Variants in PDE1C observed in about 807,000 individuals in gnomAD.
The protein encoded by PDE1C is dual specificity calcium/calmodulin-dependent 3',5'-cyclic nucleotide phosphodiesterase 1C.
A neutral mutation model predicts 93.1 loss-of-function variants in PDE1C; 62 were observed. That is an observed-to-expected ratio of 0.67 (90% CI 0.54 to 0.82). The LOEUF is 0.82. Among genes scored for constraint, PDE1C ranks in the 40% least tolerant of loss-of-function variants. The probability of loss-of-function intolerance (pLI) is 0.00; values close to 1 mark genes in which losing one functional copy is unlikely to be tolerated. For missense variants in PDE1C, 742 were observed against 884.6 expected, an observed-to-expected ratio of 0.84 and a Z score of 2.04; for synonymous variants, 325 against 310.1, an observed-to-expected ratio of 1.05 and a Z score of -0.50.
At chr7:32,252,282 C>T (rs553887867) in intron 1 of PDE1C, among the ~76,000 whole-genome samples, 1 of 152,266 alleles carries the variant, frequency 6.6e-6, no homozygotes, top group Admixed American at 6.5e-5. Context: ...GCACAAGATC[C>T]CGGGACTATA....
intron 2 of PDE1C, among the ~76,000 whole-genome samples, chr7:32,183,195 G>T (rs948198158): frequency 6.6e-6 from 1 of 152,108 alleles, no homozygotes; most frequent in African/African-American, 2.4e-5. Flanking sequence ...TGGATAGGAA[G>T]AATCAATATC....
intron 11 of PDE1C, 91 bp downstream of exon 11, chr7:31,837,089 C>G (rs1023287660): frequency 1.5e-6 from 2 of 1,303,560 alleles, no homozygotes; most frequent in African/African-American, 3.0e-5. Context: ...TTACTGTAAT[C>G]TCAATAGTCC....
chr7:32,147,300 G>GAAAGAAAGAAAGAAAGAAAGAAA lies in PDE1C; in HGVS notation c.308+22462_308+22484dup, dbSNP rs1563352791. 4.8e-3 allele frequency among the ~76,000 whole-genome samples: 656 copies of GAAAGAAAGAAAGAAAGAAAGAAA among 137,772 alleles called. 7 individuals carry two copies. Among genetic ancestry groups the GAAAGAAAGAAAGAAAGAAAGAAA allele is most frequent in the African/African-American group, 0.01 (359 of 35,354 alleles). The allele number at this position is 137,772 out of a possible 152,430, so 90.4% of individuals were successfully genotyped here. A position where few individuals can be genotyped will look rare whatever the true frequency, so the allele number is the denominator to read the frequency against. On this transcript the variant is annotated intron_variant, in intron 3 of 18. Transcript: ENST00000396193. ...AGAAAGAAAGAAAGAAAGAAAGAAA[G>GAAAGAAAGAAAGAAAGAAAGAAA]AAAGAAAGAAAGAAAGAAAGAAAGA...
At chr7:31,697,569 A>C in the PDE1C span, among the ~76,000 whole-genome samples, 2 of 152,232 alleles carry the variant, frequency 1.3e-5, no homozygotes, top group Non-Finnish European at 2.9e-5. Flanking sequence ...TCAAACAAAA[A>C]AAATCATACT....
At chr7:32,361,371 G>A (rs1243879383) in intron 1 of PDE1C, among the ~76,000 whole-genome samples, 1 of 152,244 alleles carries the variant, frequency 6.6e-6, no homozygotes, top group Non-Finnish European at 1.5e-5. Context: ...AAAGCAGCAG[G>A]ATTATATGTC....
intron 2 of PDE1C, among the ~76,000 whole-genome samples, chr7:32,197,375 G>T (rs1804696472): frequency 6.6e-6 from 1 of 152,090 alleles, no homozygotes; most frequent in Admixed American, 6.6e-5. Context: ...AACCACTTTG[G>T]ATAACAGTCT....
chr7:32,295,044 A>G (rs1455568730), intron 1 of PDE1C, among the ~76,000 whole-genome samples: 1 of 152,182 alleles, frequency 6.6e-6, no homozygotes, highest in East Asian at 1.9e-4. Context: ...GAGGATGCAA[A>G]ATAATTTGCC....
chr7:32,305,028 C>G (rs1812964788), intron 1 of PDE1C, among the ~76,000 whole-genome samples: 1 of 152,088 alleles, frequency 6.6e-6, no homozygotes, highest in South Asian at 2.1e-4. Flanking sequence ...AAAGTATCAC[C>G]CTGTGAGCAA....
At chr7:31,782,276 T>G (rs1783480619) in intron 16 of PDE1C, among the ~76,000 whole-genome samples, 1 of 151,658 alleles carries the variant, frequency 6.6e-6, no homozygotes, top group African/African-American at 2.4e-5. Flanking sequence ...TAATTCAAAA[T>G]TAACTATACT....
At chr7:31,664,014 A>G in the PDE1C span, among the ~76,000 whole-genome samples, 1 of 152,170 alleles carries the variant, frequency 6.6e-6, no homozygotes, top group Admixed American at 6.5e-5. Context: ...GATCATCCCC[A>G]TTTTAAAGAT....
At chr7:32,236,502 G>A (rs1808091288) in intron 1 of PDE1C, among the ~76,000 whole-genome samples, 1 of 151,930 alleles carries the variant, frequency 6.6e-6, no homozygotes, top group Non-Finnish European at 1.5e-5. Context: ...AAAAGATTTA[G>A]ACATTTTACA....
chr7:32,266,406 C>T (rs533472504), intron 1 of PDE1C, among the ~76,000 whole-genome samples: 1 of 151,928 alleles, frequency 6.6e-6, no homozygotes, highest in Non-Finnish European at 1.5e-5. Flanking sequence ...GAGGCTGAGG[C>T]AGGAGAATCG....
chr7:32,309,936 T>A (rs1388477637), intron 1 of PDE1C, among the ~76,000 whole-genome samples: 2 of 152,198 alleles, frequency 1.3e-5, no homozygotes, highest in Non-Finnish European at 2.9e-5. Flanking sequence ...AATGCTCCAA[T>A]TTAAAAGATA....
intron 2 of PDE1C, among the ~76,000 whole-genome samples, chr7:31,881,327 C>T (rs1797223956): frequency 6.6e-6 from 1 of 151,916 alleles, no homozygotes; most frequent in Non-Finnish European, 1.5e-5. Flanking sequence ...CACTGAGAAC[C>T]ACAAGAGGGC....
chr7:32,237,275 G>A (rs1302751250), intron 1 of PDE1C, among the ~76,000 whole-genome samples: 2 of 143,636 alleles, frequency 1.4e-5, no homozygotes, highest in Non-Finnish European at 1.5e-5. Context: ...TTTTAATAGA[G>A]ACAGGGTTTC....
chr7:31,930,639 G>C (rs1378403705), intron 2 of PDE1C, among the ~76,000 whole-genome samples: 1 of 151,866 alleles, frequency 6.6e-6, no homozygotes, highest in Non-Finnish European at 1.5e-5. Flanking sequence ...AGGAGATCGA[G>C]ACCATCCTGG....
At chr7:31,642,800 C>A in the PDE1C span, 1 of 1,613,964 alleles carries the variant, frequency 6.2e-7, no homozygotes, top group South Asian at 1.1e-5. Context: ...GGGCCAGATT[C>A]CAAAAGTAGG....
At chr7:32,343,972 T>A (rs1783805247) in intron 1 of PDE1C, among the ~76,000 whole-genome samples, 1 of 152,242 alleles carries the variant, frequency 6.6e-6, no homozygotes, top group Non-Finnish European at 1.5e-5. Context: ...GTTTTGGAAA[T>A]AACTTCAGGA....
At chr7:31,836,940 A>G (rs2128764865) in intron 11 of PDE1C, among the ~76,000 whole-genome samples, 1 of 110,124 alleles carries the variant, frequency 9.1e-6, no homozygotes, top group Middle Eastern at 4.2e-3. Flanking sequence ...TGCTACAAGG[A>G]AATACTTTTT....
Sources: gnomAD v4.1 joint callset for allele counts (sites outside exome capture counted in the v4.1 genomes callset) on GRCh38, gnomAD v4.1.1 for gene constraint, MANE v1.5 for transcripts, NCBI Gene and HGNC (gene_info 2026-07-23, HGNC 2026-07-21) for gene names.